The following NSD3 variants were observed in gnomAD, a reference collection of about 807,000 sequenced individuals.
The protein encoded by NSD3 is nuclear receptor binding SET domain protein 3, also known as histone-lysine N-methyltransferase NSD3.
NSD3 carries 24 observed loss-of-function variants against 160.8 expected under a neutral mutation model. The ratio of observed to expected loss-of-function variants is 0.15; its 90% CI spans 0.11 to 0.21. The LOEUF (loss-of-function observed/expected upper bound fraction) is 0.21. Among genes scored for constraint, NSD3 ranks in the 10% least tolerant of loss-of-function variants. NSD3 has a pLI of 1.00. For missense variants in NSD3, 1,157 were observed against 1,735.9 expected (o/e 0.67, Z 5.93); for synonymous variants, 520 against 600.0 (o/e 0.87, Z 1.95).
At chr8:38,340,251 A>C (rs1369674895) in intron 2 of NSD3, among the ~76,000 whole-genome samples, 1 of 152,242 alleles carries the variant, frequency 6.6e-6, no homozygotes, top group Non-Finnish European at 1.5e-5. Flanking sequence ...TCTAAAAGCT[A>C]CTTAAAATTC....
rs148797005 is a variant in NSD3, at chr8:38,353,492, G to A, written c.-44-5277C>T. ...GTATACAAGATCAGCTTCCAGATTC[G>A]CCTCCCAAATTATAGTCTTCAGGGT... On this transcript the variant is annotated intron_variant, in intron 1 of 23. Coordinates refer to ENST00000317025, the MANE Select transcript of NSD3 (RefSeq NM_023034.2). Among the ~76,000 whole-genome samples, 10 of 152,164 alleles carry A rather than the reference G, an allele frequency of 6.6e-5. No homozygotes were observed. In the East Asian group the frequency reaches 1.9e-3, roughly 29 times the overall value.
chr8:38,296,674 CTGTG>C (rs57485296), intron 15 of NSD3, among the ~76,000 whole-genome samples: 7,267 of 142,202 alleles, frequency 0.051, 254 homozygotes, highest in East Asian at 0.21. Context: ...CTCTCTCCCT[CTGTG>C]TGTGTGTGTG....
At chr8:38,378,510 C>T (rs565024513) in intron 1 of NSD3, among the ~76,000 whole-genome samples, 21 of 152,220 alleles carry the variant, frequency 1.4e-4, no homozygotes, top group African/African-American at 4.8e-4. Flanking sequence ...GGCGTGGTGG[C>T]GGGCGCCTGT....
At chr8:38,320,047 A>AT (rs1410242151) in intron 8 of NSD3, 1 of 152,144 alleles carries the variant, frequency 6.6e-6, no homozygotes, top group Non-Finnish European at 1.5e-5. Context: ...GCTTAGAAAG[A>AT]TTTTTTGGAA....
chr8:38,328,800 T>C (rs189704308), intron 6 of NSD3, among the ~76,000 whole-genome samples: 525 of 152,282 alleles, frequency 3.4e-3, no homozygotes, highest in South Asian at 9.1e-3. Context: ...CAGGACAAAC[T>C]GATGAAGGCA....
At position 38,338,538 on chromosome 8, in the gene NSD3, G is replaced by A. The variant is rs764982213; in HGVS notation, c.745C>T (p.Pro249Ser). 1.2e-6 allele frequency: 2 copies of A among 1,613,212 alleles called. No individual in the cohort carries two copies. Among genetic ancestry groups the A allele is most frequent in the Non-Finnish European group, 1.7e-6 (2 of 1,179,416 alleles). The change falls in exon 3 of 24, where the codon CCA becomes TCA. Residue 249 changes from proline (P) to serine (S), a missense_variant and splice_region_variant. By Grantham distance (74) the Pro-to-Ser change is moderately conservative. Coordinates refer to ENST00000317025, the MANE Select transcript of NSD3 (RefSeq NM_023034.2). ...REEPVLKEEAPVQPILSSVPT... is the reference protein window; with the variant it reads ...REEPVLKEEASVQPILSSVPT... ...CAGTATTCAGTAAAACAACTTACTG[G>A]GGCTTCCTCTTTTAGTACTGGTTCT...
intron 2 of NSD3, among the ~76,000 whole-genome samples, chr8:38,345,968 T>A (rs529436615): frequency 6.6e-6 from 1 of 152,038 alleles, no homozygotes; most frequent in South Asian, 2.1e-4. Flanking sequence ...AATAGTTAAC[T>A]GAAGGTTTAG....
intron 8 of NSD3, chr8:38,320,168 G>A (rs1319027749): frequency 1.3e-5 from 2 of 152,022 alleles, no homozygotes; most frequent in Non-Finnish European, 2.9e-5. Context: ...CACTTGCTTG[G>A]TGATACCACA....
chr8:38,343,475 G>A (rs1181921328), intron 2 of NSD3, among the ~76,000 whole-genome samples: 1 of 152,096 alleles, frequency 6.6e-6, no homozygotes, highest in African/African-American at 2.4e-5. Context: ...GCCAAGGTGG[G>A]TGGATCACCC....
At chr8:38,278,596 C>G (rs1373552868) in intron 21 of NSD3, among the ~76,000 whole-genome samples, 184 bp from the exon 22 acceptor site, 1 of 152,132 alleles carries the variant, frequency 6.6e-6, no homozygotes, top group African/African-American at 2.4e-5. Flanking sequence ...CATCCCCACC[C>G]AGGAACAATG....
intron 2 of NSD3, 126 bp from the exon 3 acceptor site, chr8:38,338,733 T>G (rs1403323911): frequency 6.7e-6 from 5 of 747,800 alleles, no homozygotes; most frequent in Non-Finnish European, 9.2e-6. Flanking sequence ...ATTTATTAAC[T>G]GAACAATGTA....
chr8:38,356,529 T>G (rs1810828154), intron 1 of NSD3, among the ~76,000 whole-genome samples: 1 of 151,972 alleles, frequency 6.6e-6, no homozygotes, highest in African/African-American at 2.4e-5. Context: ...CCAGCCTGGG[T>G]GACACAGTAA....
intron 1 of NSD3, among the ~76,000 whole-genome samples, chr8:38,351,089 A>T (rs1485531860): frequency 6.7e-6 from 1 of 150,064 alleles, no homozygotes; most frequent in Non-Finnish European, 1.5e-5. Flanking sequence ...CTCCTGCCTC[A>T]GCCTCCCGAA....
At chr8:38,289,137 T>C (rs1206283817) in intron 18 of NSD3, among the ~76,000 whole-genome samples, 1 of 152,220 alleles carries the variant, frequency 6.6e-6, no homozygotes, top group East Asian at 1.9e-4. Flanking sequence ...ATGTTGCTAC[T>C]AGGTATGAGA....
rs1363568874 is a variant in NSD3 at position 38,347,634 on chromosome 8, C to T, written c.538G>A (p.Val180Ile). The T allele has an allele frequency of 1.2e-6, 2 of 1,613,696 alleles. No homozygotes were observed. The highest frequency in any genetic ancestry group is 1.3e-5 in the African/African-American group (1 of 75,006). Residue 180 changes from valine to isoleucine, a missense_variant, in exon 2 of 24, where the codon GTA becomes ATA. Coordinates refer to ENST00000317025, the MANE Select transcript of NSD3 (RefSeq NM_023034.2). ...SSLCGDLLNEVQASEHTKSKH... is the reference protein window; with the variant it reads ...SSLCGDLLNEIQASEHTKSKH... ...GATTTCGTGTGCTCACTTGCCTGTA[C>T]TTCATTTAAAAGGTCTCCACAAAGG...
At chr8:38,361,741 C>A (rs1276662405) in intron 1 of NSD3, among the ~76,000 whole-genome samples, 1 of 117,200 alleles carries the variant, frequency 8.5e-6, no homozygotes, top group African/African-American at 3.4e-5. Flanking sequence ...GGCTACAGAG[C>A]GAGACTCCGT....
chr8:38,324,478 T>A (rs1015453102), intron 7 of NSD3, among the ~76,000 whole-genome samples: 1 of 152,234 alleles, frequency 6.6e-6, no homozygotes, highest in African/African-American at 2.4e-5. Context: ...TTACACTTTA[T>A]GCCACTCAGT....
chr8:38,363,089 AAAAAC>A (rs1207197706), intron 1 of NSD3, among the ~76,000 whole-genome samples: 2 of 152,248 alleles, frequency 1.3e-5, no homozygotes, highest in African/African-American at 2.4e-5. Context: ...TCATGGAAAG[AAAAAC>A]AAAACAAAAC....
At chr8:38,331,774 T>C (rs1237057382) in intron 4 of NSD3, among the ~76,000 whole-genome samples, 189 bp from the exon 5 acceptor site, 1 of 152,162 alleles carries the variant, frequency 6.6e-6, no homozygotes, top group Non-Finnish European at 1.5e-5. Flanking sequence ...TCACCACAAA[T>C]AATTGATTGC....
Sources: allele counts gnomAD v4.1 joint callset (sites outside exome capture counted in the v4.1 genomes callset), GRCh38; gene constraint gnomAD v4.1.1; transcripts MANE v1.5; gene names NCBI Gene and HGNC (gene_info 2026-07-23, HGNC 2026-07-21).